The following TPRG1 variants were observed in gnomAD, a reference collection of about 807,000 sequenced individuals.
The protein encoded by TPRG1 is tumor protein p63 regulated 1, also known as tumor protein p63-regulated gene 1 protein.
A neutral mutation model predicts 29.3 loss-of-function variants in TPRG1; 29 were observed. The observed-to-expected ratio is 0.99, with a 90% confidence interval of 0.74 to 1.35. The LOEUF (loss-of-function observed/expected upper bound fraction) is 1.35. Among genes scored for constraint, TPRG1 ranks in the 40% most tolerant of loss-of-function variants. TPRG1 has a pLI of 0.00. For missense variants in TPRG1, 327 were observed against 335.0 expected (o/e 0.98, Z 0.19); for synonymous variants, 130 against 116.8 (o/e 1.11, Z -0.73).
At chr3:189,146,361 G>A (rs1156343716) in intron 3 of TPRG1, among the ~76,000 whole-genome samples, 1 of 152,216 alleles carries the variant, frequency 6.6e-6, no homozygotes, top group Non-Finnish European at 1.5e-5. Flanking sequence ...ATCTGAGGAA[G>A]ACTTAGACAA....
chr3:189,281,055 C>T (rs1717045975), intron 4 of TPRG1, among the ~76,000 whole-genome samples: 1 of 152,296 alleles, frequency 6.6e-6, no homozygotes, highest in South Asian at 2.1e-4. Flanking sequence ...CAATAACTGA[C>T]ATGTTATAGG....
At chr3:189,059,464 C>G (rs765177887) in intron 4 of TPRG1, among the ~76,000 whole-genome samples, 1 of 151,768 alleles carries the variant, frequency 6.6e-6, no homozygotes, top group Non-Finnish European at 1.5e-5. Context: ...TGGTGGCATG[C>G]GCCTGTAGTC....
chr3:189,264,698 C>G (rs1040255284), intron 4 of TPRG1, among the ~76,000 whole-genome samples: 1 of 152,090 alleles, frequency 6.6e-6, no homozygotes, highest in Non-Finnish European at 1.5e-5. Context: ...CAAAGCACAG[C>G]AATTTTTATT....
rs1174569363 is a variant in TPRG1, at chr3:189,297,108, G to A, written c.480-13278G>A. On this transcript the variant is annotated intron_variant, in intron 4 of 5. Coordinates refer to ENST00000345063, the MANE Select transcript of TPRG1 (RefSeq NM_198485.4). ...TGATTCTGCCACCTCAGCCTCACGA[G>A]TAGCTGGGACTACAGGCACGCGCCA... Among the ~76,000 whole-genome samples the A allele has an allele frequency of 2.6e-5, 4 of 152,096 alleles. No homozygotes were observed. The South Asian group carries it at 8.3e-4, about 31-fold the overall frequency.
intron 3 of TPRG1, among the ~76,000 whole-genome samples, chr3:189,215,720 A>G (rs1735968867): frequency 6.6e-6 from 1 of 152,136 alleles, no homozygotes; most frequent in African/African-American, 2.4e-5. Flanking sequence ...CTATAAACAC[A>G]TTGAACTACT....
chr3:189,121,773 G>GT (rs1721849456), intron 1 of TPRG1: 1 of 152,046 alleles, frequency 6.6e-6, no homozygotes, highest in African/African-American at 2.4e-5. Flanking sequence ...AAGCTTTTGT[G>GT]TTTTTTGGTT....
intron 4 of TPRG1, among the ~76,000 whole-genome samples, chr3:189,249,476 C>T (rs1162010864): frequency 1.3e-5 from 2 of 151,784 alleles, no homozygotes; most frequent in African/African-American, 2.4e-5. Flanking sequence ...TTGCATACAT[C>T]CTATAATTGA....
At chr3:189,048,602 A>C (rs902628520) in intron 4 of TPRG1, among the ~76,000 whole-genome samples, 1 of 151,950 alleles carries the variant, frequency 6.6e-6, no homozygotes, top group African/African-American at 2.4e-5. Context: ...TTTTTTTTCT[A>C]CCTTGGAAAT....
intron 4 of TPRG1, among the ~76,000 whole-genome samples, chr3:189,246,115 G>A (rs1741344518): frequency 6.6e-6 from 1 of 152,030 alleles, no homozygotes; most frequent in African/African-American, 2.4e-5. Flanking sequence ...GAATCATGGG[G>A]GTAGATTTTT....
chr3:189,298,835 T>G (rs1720367241), intron 4 of TPRG1, among the ~76,000 whole-genome samples: 1 of 152,244 alleles, frequency 6.6e-6, no homozygotes. Flanking sequence ...ATCATGTATC[T>G]TCTCTTGAAA....
At chr3:189,044,060 T>C (rs1052266316) in intron 4 of TPRG1, among the ~76,000 whole-genome samples, 1 of 152,138 alleles carries the variant, frequency 6.6e-6, no homozygotes, top group African/African-American at 2.4e-5. Flanking sequence ...AAGGTAGATA[T>C]TCAGCAAATG....
chr3:189,148,679 G>A (rs771613934), intron 4 of TPRG1, among the ~76,000 whole-genome samples: 19 of 152,162 alleles, frequency 1.2e-4, no homozygotes, highest in African/African-American at 1.9e-4. Flanking sequence ...GCAATGAATC[G>A]GCTCTAGATT....
chr3:189,159,789 C>T (rs1022143707), intron 5 of TPRG1, among the ~76,000 whole-genome samples: 1 of 150,840 alleles, frequency 6.6e-6, no homozygotes, highest in Non-Finnish European at 1.5e-5. Context: ...TACGCACAGT[C>T]CTGGGGTAAA....
chr3:189,125,939 A>G (rs1340751911), intron 1 of TPRG1, among the ~76,000 whole-genome samples: 1 of 151,842 alleles, frequency 6.6e-6, no homozygotes, highest in Non-Finnish European at 1.5e-5. Context: ...CTGTAAGAAC[A>G]TCACCCTGAT....
chr3:189,295,734 CAT>C (rs1473096208), intron 4 of TPRG1, among the ~76,000 whole-genome samples: 1 of 152,052 alleles, frequency 6.6e-6, no homozygotes, highest in African/African-American at 2.4e-5. Context: ...TTTTACTAGA[CAT>C]AATGCAGGAT....
At chr3:189,142,648 C>A (rs1479846425) in intron 3 of TPRG1, among the ~76,000 whole-genome samples, 1 of 152,190 alleles carries the variant, frequency 6.6e-6, no homozygotes, top group African/African-American at 2.4e-5. Flanking sequence ...CTCAACCCTG[C>A]ATGGTGCTTG....
chr3:189,055,027 G>T (rs935394652), intron 4 of TPRG1, among the ~76,000 whole-genome samples: 6 of 152,134 alleles, frequency 3.9e-5, no homozygotes, highest in Admixed American at 3.3e-4. Flanking sequence ...AGGTATGTGT[G>T]TACAGTTTTT....
intron 4 of TPRG1, among the ~76,000 whole-genome samples, chr3:189,268,032 C>T (rs779104527): frequency 6.6e-6 from 1 of 152,104 alleles, no homozygotes; most frequent in Admixed American, 6.5e-5. Flanking sequence ...GTGGACAATA[C>T]TGATTAATGG....
At chr3:189,306,328 G>T (rs1721622089) in intron 4 of TPRG1, among the ~76,000 whole-genome samples, 1 of 152,176 alleles carries the variant, frequency 6.6e-6, no homozygotes, top group East Asian at 1.9e-4. Flanking sequence ...CTGAATGGAA[G>T]TTTTTCTGAT....
Sources: gnomAD v4.1 joint callset for allele counts (sites outside exome capture counted in the v4.1 genomes callset) on GRCh38, gnomAD v4.1.1 for gene constraint, MANE v1.5 for transcripts, NCBI Gene and HGNC (gene_info 2026-07-23, HGNC 2026-07-21) for gene names.